Variants in TTC8 observed in about 807,000 individuals in gnomAD.
TTC8 encodes the protein tetratricopeptide repeat domain 8.
TTC8 carries 47 observed loss-of-function variants against 72.5 expected under a neutral mutation model. The observed-to-expected ratio is 0.65, with a 90% CI of 0.51 to 0.83. The LOEUF (loss-of-function observed/expected upper bound fraction) is 0.83, where lower values mean the gene tolerates loss of function less well. Ranked by LOEUF, TTC8 falls within the 40% of genes least tolerant of loss-of-function variation. The pLI is 0.00. For synonymous variants in TTC8, 199 were observed against 221.4 expected (o/e 0.90, Z 0.90); for missense variants, 611 against 623.2 (o/e 0.98, Z 0.21).
In TTC8 at chr14:88,824,799, T is replaced by C. The variant is rs1366510839; in HGVS notation, c.92T>C (p.Leu31Pro). 1 of 1,613,434 alleles carries C rather than the reference T, an allele frequency of 6.2e-7. No individual in the cohort carries two copies. Among genetic ancestry groups the C allele is most frequent in the Admixed American group, 1.7e-5 (1 of 59,962 alleles). ...QLCADLCTQM[L>P]EKSPYDQEPD... ...TGCGCCGATCTATGCACGCAGATGC[T>C]GGAGAAGTCCCCTTATGACCAGGTA... The change falls in exon 1 of 15, where the codon CTG becomes CCG. Residue 31 changes from leucine (L) to proline (P), a missense_variant. Leu to Pro is a moderately conservative substitution (Grantham distance 98). Transcript: ENST00000380656.
chr14:88,840,510 G>C (rs1047011008), intron 3 of TTC8, among the ~76,000 whole-genome samples: 4 of 152,104 alleles, frequency 2.6e-5, no homozygotes, highest in Non-Finnish European at 4.4e-5. Context: ...GTTTGTATGA[G>C]AAATAATTGA....
chr14:88,873,107 A>G (rs1022669507), intron 13 of TTC8, among the ~76,000 whole-genome samples: 2 of 152,194 alleles, frequency 1.3e-5, no homozygotes, highest in African/African-American at 4.8e-5. Context: ...AACTTGGAAT[A>G]AAATCTGGAC....
At chr14:88,868,874 C>T (rs1041277494) in intron 10 of TTC8, among the ~76,000 whole-genome samples, 1 of 152,158 alleles carries the variant, frequency 6.6e-6, no homozygotes, top group Non-Finnish European at 1.5e-5. Context: ...AATAGTGGAG[C>T]ACTTTTAAGA....
chr14:88,856,119 G>A (rs950030064), intron 8 of TTC8, among the ~76,000 whole-genome samples: 1 of 152,110 alleles, frequency 6.6e-6, no homozygotes, highest in African/African-American at 2.4e-5. Flanking sequence ...TTGATGTTGT[G>A]TACATATATA....
chr14:88,825,066 C>T lies in TTC8; in HGVS notation c.114+245C>T, dbSNP rs571823030. On this transcript the variant is annotated intron_variant, in intron 1 of 14. Transcript: ENST00000380656. ...CCCTCCTCACAATTTTCAGCCTCCC[C>T]TCCCCTATACGTGTCCCAGAATGAG... Among the ~76,000 whole-genome samples, 234 of 152,348 alleles carry T rather than the reference C, an allele frequency of 1.5e-3. 2 individuals carry two copies. Among genetic ancestry groups the T allele is most frequent in the African/African-American group, 5.3e-3 (222 of 41,596 alleles).
rs1595992193 is a variant in TTC8, at chr14:88,875,021, C to T, written c.1348-5C>T. 1 of 1,608,916 alleles carries T rather than the reference C, an allele frequency of 6.2e-7. No individual in the cohort carries two copies. The highest frequency in any genetic ancestry group is 2.2e-5 in the East Asian group (1 of 44,706). ...GGTTTTTCTTTTCTTTATTTTTATA[C>T]ACAGGCAAGGGCACTATTACAAACT... On this transcript the variant is annotated splice_region_variant and splice_polypyrimidine_tract_variant and intron_variant, in intron 13 of 14. Transcript: ENST00000380656.
intron 7 of TTC8, among the ~76,000 whole-genome samples, chr14:88,851,746 G>A (rs973707059): frequency 2.0e-4 from 31 of 151,878 alleles, no homozygotes; most frequent in African/African-American, 7.0e-4. Flanking sequence ...AGTACTGTGT[G>A]GCTTCTTTTT....
chr14:88,839,529 T>C lies in TTC8; in HGVS notation c.222T>C (p.Ile74=), dbSNP rs753709635. 10 of 1,613,322 alleles carry C rather than the reference T, an allele frequency of 6.2e-6. No homozygotes were observed. The South Asian group carries it at 9.9e-5, about 16-fold the overall frequency. Residue 74 remains isoleucine (I), a synonymous_variant, in exon 3 of 15, where the codon ATT becomes ATC. Coordinates refer to ENST00000380656, the MANE Select transcript of TTC8 (RefSeq NM_144596.4). ...IDEIDVDQEG[I]AEMMLDENAI... ...AAATTGATGTAGATCAGGAAGGAAT[T>C]GCAGAAATGATGCTGGATGAAAATG...
intron 10 of TTC8, 71 bp from the exon 11 acceptor site, chr14:88,869,988 A>G (rs1261546668): frequency 6.6e-7 from 1 of 1,508,912 alleles, no homozygotes; most frequent in Non-Finnish European, 9.1e-7. Context: ...ATGGACTTAA[A>G]TCAGTCAGAA....
In TTC8 at chr14:88,871,550, C is replaced by T. The variant is rs755412340; in HGVS notation, c.1051C>T (p.Arg351Trp). 1.2e-5 allele frequency: 19 copies of T among 1,613,394 alleles called. No homozygotes were observed. Among genetic ancestry groups the T allele is most frequent in the African/African-American group, 1.1e-4 (8 of 74,834 alleles). The part of the protein sequence containing the change: ...QPEIALRFYR[R>W]LLQMGIYNGQ... ...ATTTGTGTGTTCTTTTTTGAAAAGG[C>T]GGCTGCTGCAGATGGGCATTTATAA... Residue 351 changes from arginine (R) to tryptophan (W), a missense_variant and splice_region_variant, in exon 12 of 15, where the codon CGG (arginine) becomes TGG (tryptophan). Physicochemically the swap from Arg to Trp is moderately radical, Grantham distance 101. Coordinates refer to ENST00000380656, the MANE Select transcript of TTC8 (RefSeq NM_144596.4). This position sits in a 1 kb window ranked among gnomAD's most constrained non-coding sequence, Gnocchi z 4.1.
chr14:88,846,593 A>C (rs777695921), intron 7 of TTC8: 4 of 1,411,622 alleles, frequency 2.8e-6, no homozygotes, highest in Non-Finnish European at 3.8e-6. Context: ...GTTTTTTATT[A>C]ATAGATTCAT....
At chr14:88,867,346 A>G (rs1251834137) in intron 10 of TTC8, among the ~76,000 whole-genome samples, 3 of 152,250 alleles carry the variant, frequency 2.0e-5, no homozygotes, top group African/African-American at 7.2e-5. Context: ...ATGCAGAAGT[A>G]TTATTTAAAA....
intron 5 of TTC8, 70 bp downstream of exon 5, chr14:88,841,266 A>G (rs375853739): frequency 1.2e-6 from 2 of 1,602,142 alleles, no homozygotes; most frequent in Non-Finnish European, 1.7e-6. Context: ...ATATTATGGT[A>G]TATCATTTTC....
At chr14:88,865,707 A>G (rs958970757) in intron 10 of TTC8, among the ~76,000 whole-genome samples, 3 of 152,154 alleles carry the variant, frequency 2.0e-5, no homozygotes, top group African/African-American at 7.2e-5. Context: ...TAAAAATCTA[A>G]TTAAAGATTT....
intron 13 of TTC8, among the ~76,000 whole-genome samples, chr14:88,872,819 C>T (rs2094940734): frequency 6.6e-6 from 1 of 152,136 alleles, no homozygotes; most frequent in Non-Finnish European, 1.5e-5. Flanking sequence ...CACCTGCGCC[C>T]ACATCATATT....
chr14:88,843,990 A>C, intron 7 of TTC8, 140 bp downstream of exon 7: 1 of 654,098 alleles, frequency 1.5e-6, no homozygotes, highest in South Asian at 2.0e-5. Flanking sequence ...TTTAAAATCC[A>C]CCCTCAGTTT....
chr14:88,860,679 A>G (rs1234256287), intron 9 of TTC8, among the ~76,000 whole-genome samples: 1 of 152,250 alleles, frequency 6.6e-6, no homozygotes, highest in Non-Finnish European at 1.5e-5. Flanking sequence ...CTCTGGCAAT[A>G]GTAAACTCAC....
In TTC8 at chr14:88,841,022, T is replaced by A. The variant is rs187484893; in HGVS notation, c.330-15T>A. 1,072 of 1,614,104 alleles carry A rather than the reference T, an allele frequency of 6.6e-4. 13 individuals carry two copies. The East Asian group carries it at 0.021, about 32-fold the overall frequency. Reference sequence around the variant, plus strand: ...ATGATCTTCTTTGTATTATAACAATTTATAATCTTCACAGGCCAATCACAC... The same window carrying A: ...ATGATCTTCTTTGTATTATAACAATATATAATCTTCACAGGCCAATCACAC... On this transcript the variant is annotated splice_polypyrimidine_tract_variant and intron_variant, in intron 4 of 14. Transcript: ENST00000380656.
At chr14:88,844,352 T>C (rs1009228959) in intron 7 of TTC8, among the ~76,000 whole-genome samples, 1 of 152,146 alleles carries the variant, frequency 6.6e-6, no homozygotes, top group Admixed American at 6.5e-5. Context: ...ACTTCTCAAA[T>C]TGTTTTGATT....
Sources: gnomAD v4.1 joint callset for allele counts (sites outside exome capture counted in the v4.1 genomes callset) on GRCh38, gnomAD v4.1.1 for gene constraint, Gnocchi (gnomAD v3.1) non-coding constraint, MANE v1.5 for transcripts, NCBI Gene and HGNC (gene_info 2026-07-23, HGNC 2026-07-21) for gene names.